Variants in LHCGR observed in about 807,000 individuals in gnomAD.
LHCGR encodes the protein luteinizing hormone/choriogonadotropin receptor.
In LHCGR, 55 loss-of-function variants were observed where a neutral mutation model predicts 60.7. The ratio of observed to expected loss-of-function variants is 0.91; its 90% CI spans 0.73 to 1.13. LHCGR has a LOEUF of 1.13. Ranked by LOEUF, LHCGR falls within the 50% of genes most tolerant of loss-of-function variation. The pLI is 0.00. For missense variants in LHCGR, 862 were observed against 836.0 expected (o/e 1.03, Z -0.38); for synonymous variants, 337 against 316.5 (o/e 1.06, Z -0.69).
intron 1 of LHCGR, among the ~76,000 whole-genome samples, chr2:48,749,986 G>GT (rs1669887944): frequency 6.6e-6 from 1 of 152,224 alleles, no homozygotes; most frequent in South Asian, 2.1e-4. Flanking sequence ...AGGTTTAAGA[G>GT]TTGCCTTGAG....
intron 1 of LHCGR, chr2:48,732,952 AACAGGG>A: frequency 1.9e-6 from 1 of 534,468 alleles, no homozygotes; most frequent in Non-Finnish European, 3.8e-6. Context: ...ATCCGAGAAG[AACAGGG>A]ACAGTGTGGG....
chr2:48,751,728 G>A (rs1669965068), intron 1 of LHCGR, among the ~76,000 whole-genome samples: 1 of 152,192 alleles, frequency 6.6e-6, no homozygotes, highest in South Asian at 2.1e-4. Context: ...ATTGCATTAG[G>A]TTGGTGCAAA....
At chr2:48,691,088 C>A (rs1196905797) in intron 10 of LHCGR, among the ~76,000 whole-genome samples, 4 of 152,160 alleles carry the variant, frequency 2.6e-5, no homozygotes, top group African/African-American at 9.7e-5. Flanking sequence ...GAGAAATGGG[C>A]ATAATTTTTG....
chr2:48,708,783 C>G lies in LHCGR; in HGVS notation c.680+165G>C, dbSNP rs1238905027. Reference sequence around the variant, plus strand: ...TGTCTAAGCCTCTCGGTTTGGGGTACTTTATTATGGCAGCTGTGATACACT... The same window carrying G: ...TGTCTAAGCCTCTCGGTTTGGGGTAGTTTATTATGGCAGCTGTGATACACT... On this transcript the variant is annotated intron_variant, in intron 8 of 10. Transcript: ENST00000294954. 4.2e-6 allele frequency: 3 copies of G among 716,610 alleles called. No homozygotes were observed. In the East Asian group the frequency reaches 7.4e-5, roughly 18 times the overall value. 44.4% of individuals were successfully genotyped at this position (716,610 alleles called of 1,614,324 possible). A position where few individuals can be genotyped will look rare whatever the true frequency, so the allele number is the denominator to read the frequency against.
At position 48,693,253 on chromosome 2, in the gene LHCGR, GTGT is replaced by G. The variant is rs539220717; in HGVS notation, c.947+968_947+970del. On this transcript the variant is annotated intron_variant, in intron 10 of 10. Coordinates refer to ENST00000294954, the MANE Select transcript of LHCGR (RefSeq NM_000233.4). ...AGACAGTAATACTTATTTACCCTTG[GTGT>G]TGTCGCATTGCTTAGCAACTTCCTT... is the stretch of plus-strand genomic sequence containing the variant. Among the ~76,000 whole-genome samples, 299 of 152,304 alleles carry G rather than the reference GTGT, an allele frequency of 2.0e-3. 2 individuals carry two copies. Among genetic ancestry groups the G allele is most frequent in the Middle Eastern group, 0.014 (4 of 294 alleles).
chr2:48,754,399 T>A (rs1290625070), intron 1 of LHCGR, among the ~76,000 whole-genome samples: 1 of 152,166 alleles, frequency 6.6e-6, no homozygotes, highest in African/African-American at 2.4e-5. Context: ...TGTTAGGACA[T>A]GATCAAGACC....
chr2:48,714,902 G>A (rs1668173254), intron 6 of LHCGR, among the ~76,000 whole-genome samples: 1 of 152,206 alleles, frequency 6.6e-6, no homozygotes. Context: ...AATAGGCTCA[G>A]TGAGGGAAAG....
At chr2:48,708,035 A>G (rs1288287010) in intron 8 of LHCGR, among the ~76,000 whole-genome samples, 1 of 152,112 alleles carries the variant, frequency 6.6e-6, no homozygotes, top group Non-Finnish European at 1.5e-5. Flanking sequence ...GGCTGTACCC[A>G]CTGTCCAGCC....
At chr2:48,721,643 T>C (rs769300426) in intron 6 of LHCGR, 3 of 468,314 alleles carry the variant, frequency 6.4e-6, no homozygotes, top group Non-Finnish European at 8.8e-6. Flanking sequence ...TCCAGTGATA[T>C]AAAAGAGAGT....
Position 48,706,465 on chromosome 2 carries a change from G to C in LHCGR, c.680+2483C>G, listed in dbSNP as rs190850294. ...TGCCTTGCTAGGTTGGGGAAGTTCTGGATAATATTCAGGAGTGTTTTCTAA... is the reference window on the plus strand; with the variant it reads ...TGCCTTGCTAGGTTGGGGAAGTTCTCGATAATATTCAGGAGTGTTTTCTAA... On this transcript the variant is annotated intron_variant, in intron 8 of 10. Transcript: ENST00000294954. Among the ~76,000 whole-genome samples the C allele has an allele frequency of 1.1e-4, 16 of 151,684 alleles. No homozygotes were observed. In the East Asian group the frequency reaches 3.1e-3, roughly 29 times the overall value.
In LHCGR at chr2:48,720,098, A is replaced by C. The variant is rs1476826113; in HGVS notation, c.536+3358T>G. 4 of 152,196 alleles carry C rather than the reference A, an allele frequency of 2.6e-5. No homozygotes were observed. The East Asian group carries it at 7.7e-4, about 29-fold the overall frequency. 9.4% of individuals were successfully genotyped at this position (152,196 alleles called of 1,614,324 possible). A position where few individuals can be genotyped will look rare whatever the true frequency, so the allele number is the denominator to read the frequency against. On this transcript the variant is annotated intron_variant, in intron 6 of 10. Coordinates refer to ENST00000294954, the MANE Select transcript of LHCGR (RefSeq NM_000233.4). ...ATCTTTATTAACTTCAGAGTGGGGA[A>C]ATTACACCCTACTGGCATGCACTCT...
intron 7 of LHCGR, among the ~76,000 whole-genome samples, chr2:48,713,606 A>C (rs1388065923): frequency 2.6e-5 from 4 of 152,164 alleles, no homozygotes. Flanking sequence ...AGACTGGTAA[A>C]TGGTGGTGTT....
chr2:48,720,864 C>T (rs1396515300), intron 6 of LHCGR: 1 of 152,202 alleles, frequency 6.6e-6, no homozygotes, highest in African/African-American at 2.4e-5. Flanking sequence ...CATAAGGTTG[C>T]TATGGGACTT....
intron 1 of LHCGR, among the ~76,000 whole-genome samples, chr2:48,734,170 A>C (rs906329591): frequency 1.3e-5 from 2 of 152,216 alleles, no homozygotes; most frequent in Non-Finnish European, 2.9e-5. Flanking sequence ...ACTGAATAGG[A>C]GAGCCTGTAG....
intron 10 of LHCGR, among the ~76,000 whole-genome samples, chr2:48,691,518 T>A (rs1360671438): frequency 6.6e-6 from 1 of 152,182 alleles, no homozygotes; most frequent in Non-Finnish European, 1.5e-5. Context: ...TAAAGAACTA[T>A]TAAAGAAAAT....
chr2:48,723,811 T>A (rs1003786121), intron 4 of LHCGR, 115 bp from the exon 5 acceptor site: 5 of 788,494 alleles, frequency 6.3e-6, no homozygotes, highest in Non-Finnish European at 8.9e-6. Context: ...ACTTTCACAT[T>A]AAATTTAAAA....
chr2:48,745,847 A>G (rs1669677051), intron 1 of LHCGR, among the ~76,000 whole-genome samples: 1 of 151,558 alleles, frequency 6.6e-6, no homozygotes, highest in Non-Finnish European at 1.5e-5. Flanking sequence ...AAAGTATAAT[A>G]ATAATAAATA....
chr2:48,731,651 C>T (rs1304581431), intron 1 of LHCGR, among the ~76,000 whole-genome samples: 3 of 152,158 alleles, frequency 2.0e-5, no homozygotes, highest in Non-Finnish European at 1.5e-5. Context: ...ATAATTCCTA[C>T]TTCACAGGGT....
At position 48,719,091 on chromosome 2, in the gene LHCGR, G is replaced by A. The variant is rs191111816; in HGVS notation, c.536+4365C>T. On this transcript the variant is annotated intron_variant, in intron 6 of 10. Coordinates refer to ENST00000294954, the MANE Select transcript of LHCGR (RefSeq NM_000233.4). ...TAATCCCAGCACTTTGGGAGGCTGA[G>A]GCGGGCGGATCACGAGGTCAGGAGA... Among the ~76,000 whole-genome samples, 324 of 152,314 alleles carry A rather than the reference G, an allele frequency of 2.1e-3. 1 individual carries two copies. The highest frequency in any genetic ancestry group is 0.01 in the Middle Eastern group (3 of 294).
Sources: allele counts gnomAD v4.1 joint callset (sites outside exome capture counted in the v4.1 genomes callset), GRCh38; gene constraint gnomAD v4.1.1; transcripts MANE v1.5; gene names NCBI Gene and HGNC (gene_info 2026-07-23, HGNC 2026-07-21).